The following ZFHX3 variants were observed in gnomAD, a reference collection of about 807,000 sequenced individuals.
ZFHX3 encodes the protein zinc finger homeobox 3.
ZFHX3 carries 42 observed loss-of-function variants against 279.1 expected under a neutral mutation model. That is an observed-to-expected ratio of 0.15 (90% CI 0.12 to 0.19). The LOEUF (loss-of-function observed/expected upper bound fraction) is 0.19. ZFHX3 is among the 10% of genes least tolerant of loss of function. ZFHX3 has a pLI of 1.00. For missense variants in ZFHX3, 4,981 were observed against 4,754.0 expected, an observed-to-expected ratio of 1.05 and a Z score of -1.40; for synonymous variants, 2,293 against 1,957.8, an observed-to-expected ratio of 1.17 and a Z score of -4.52.
chr16:72,997,940 G>T (rs1278876565), intron 1 of ZFHX3, among the ~76,000 whole-genome samples: 2 of 151,722 alleles, frequency 1.3e-5, no homozygotes, highest in African/African-American at 4.8e-5. Context: ...AAATTAGCTG[G>T]GTGTGATGGT....
At chr16:73,850,569 G>C (rs891299011) in intron 1 of ZFHX3, among the ~76,000 whole-genome samples, 1 of 152,168 alleles carries the variant, frequency 6.6e-6, no homozygotes, top group Non-Finnish European at 1.5e-5. Context: ...AAGTTAGAAT[G>C]TGCTTTCAGG....
At chr16:72,961,151 C>T (rs1398415418) in intron 1 of ZFHX3, among the ~76,000 whole-genome samples, 2 of 152,164 alleles carry the variant, frequency 1.3e-5, no homozygotes, top group African/African-American at 4.8e-5. Flanking sequence ...GGAGGGAGTG[C>T]GTTCCCCACG....
chr16:73,187,218 ACTT>A (rs1967932664), intron 5 of ZFHX3, among the ~76,000 whole-genome samples: 2 of 151,918 alleles, frequency 1.3e-5, no homozygotes, highest in South Asian at 2.1e-4. Flanking sequence ...TAAATTAACA[ACTT>A]CTTTGAGTGA....
intron 3 of ZFHX3, among the ~76,000 whole-genome samples, chr16:73,417,149 T>C (rs1478213630): frequency 6.6e-6 from 1 of 151,940 alleles, no homozygotes; most frequent in African/African-American, 2.4e-5. Context: ...AACCTTCCTA[T>C]ACATTCTATC....
intron 1 of ZFHX3, among the ~76,000 whole-genome samples, chr16:73,868,384 C>T (rs1354522777): frequency 6.6e-6 from 1 of 152,278 alleles, no homozygotes; most frequent in Non-Finnish European, 1.5e-5. Context: ...ATTAGCCGGG[C>T]CTGGTGGCAT....
At chr16:73,204,887 C>T (rs986236746) in intron 5 of ZFHX3, among the ~76,000 whole-genome samples, 1 of 152,174 alleles carries the variant, frequency 6.6e-6, no homozygotes, top group Non-Finnish European at 1.5e-5. Context: ...TGCCCATAGT[C>T]GTTGCATGAG....
chr16:73,725,676 C>T (rs1042695944), intron 1 of ZFHX3, among the ~76,000 whole-genome samples: 3 of 152,076 alleles, frequency 2.0e-5, no homozygotes, highest in Non-Finnish European at 4.4e-5. Flanking sequence ...CTCCCTTTGA[C>T]CCCTACTCTA....
At chr16:73,000,590 C>G (rs559505158) in intron 1 of ZFHX3, among the ~76,000 whole-genome samples, 2 of 152,302 alleles carry the variant, frequency 1.3e-5, no homozygotes, top group African/African-American at 4.8e-5. Flanking sequence ...TTTTCTGTCT[C>G]GACCCGTGGG....
At chr16:72,828,636 C>A (rs914625954) in intron 5 of ZFHX3, among the ~76,000 whole-genome samples, 1 of 143,378 alleles carries the variant, frequency 7.0e-6, no homozygotes, top group African/African-American at 2.4e-5. Context: ...GCAGGCACCA[C>A]CTGTGCAGGG....
chr16:73,153,669 G>C (rs1246822594), intron 5 of ZFHX3, among the ~76,000 whole-genome samples: 1 of 151,804 alleles, frequency 6.6e-6, no homozygotes, highest in Non-Finnish European at 1.5e-5. Flanking sequence ...TTTATTTTTT[G>C]AGATGGGGTC....
intron 3 of ZFHX3, among the ~76,000 whole-genome samples, chr16:73,352,528 G>A (rs933176973): frequency 7.0e-6 from 1 of 141,898 alleles, no homozygotes; most frequent in Non-Finnish European, 1.5e-5. Context: ...ACCCAGGCTG[G>A]AGGGCACCAG....
At chr16:72,800,417 T>G (rs571466826) in intron 7 of ZFHX3, among the ~76,000 whole-genome samples, 1 of 152,334 alleles carries the variant, frequency 6.6e-6, no homozygotes, top group East Asian at 1.9e-4. Context: ...CTGACAATGT[T>G]TTGTCATGGG....
At chr16:73,267,712 G>T (rs955624068) in intron 4 of ZFHX3, among the ~76,000 whole-genome samples, 3 of 152,100 alleles carry the variant, frequency 2.0e-5, no homozygotes, top group Non-Finnish European at 4.4e-5. Context: ...GAGGTGACTG[G>T]GCTAGACCTT....
intron 3 of ZFHX3, among the ~76,000 whole-genome samples, chr16:73,360,244 GC>G (rs1333125165): frequency 6.6e-6 from 1 of 152,194 alleles, no homozygotes; most frequent in Admixed American, 6.5e-5. Flanking sequence ...ACCGTGAGTT[GC>G]GTATAGACTA....
chr16:73,009,790 G>A (rs1296271043), intron 1 of ZFHX3, among the ~76,000 whole-genome samples: 2 of 152,182 alleles, frequency 1.3e-5, no homozygotes, highest in East Asian at 1.9e-4. Flanking sequence ...AGAGGCCGAC[G>A]CAGGCGAATC....
intron 2 of ZFHX3, among the ~76,000 whole-genome samples, chr16:73,545,021 C>A (rs2020085648): frequency 6.6e-6 from 1 of 152,160 alleles, no homozygotes; most frequent in East Asian, 1.9e-4. Context: ...CCCAGCTCCA[C>A]TGGATCTTAC....
chr16:73,758,027 C>A (rs2053828264), intron 1 of ZFHX3, among the ~76,000 whole-genome samples: 1 of 152,186 alleles, frequency 6.6e-6, no homozygotes, highest in African/African-American at 2.4e-5. Flanking sequence ...CACATACACT[C>A]TCAGGATTGG....
chr16:73,259,089 C>A (rs1339480340), intron 4 of ZFHX3, among the ~76,000 whole-genome samples: 2 of 152,170 alleles, frequency 1.3e-5, no homozygotes, highest in Non-Finnish European at 2.9e-5. Flanking sequence ...ACCACAATGG[C>A]TTGACATTTA....
At chr16:73,388,636 G>A (rs1412956053) in intron 3 of ZFHX3, among the ~76,000 whole-genome samples, 1 of 152,082 alleles carries the variant, frequency 6.6e-6, no homozygotes, top group Admixed American at 6.5e-5. Context: ...ACCTCCCCCT[G>A]CTAGCTCCTT....
Sources: allele counts gnomAD v4.1 joint callset (sites outside exome capture counted in the v4.1 genomes callset), GRCh38; gene constraint gnomAD v4.1.1; transcripts MANE v1.5; gene names NCBI Gene and HGNC (gene_info 2026-07-23, HGNC 2026-07-21).